The following PASK variants were observed in gnomAD, a reference collection of about 807,000 sequenced individuals.
PASK encodes PAS domain-containing serine/threonine-protein kinase.
Under a neutral mutation model 121.0 loss-of-function variants are expected in PASK, and 110 were observed. The ratio of observed to expected loss-of-function variants is 0.91; its 90% CI spans 0.78 to 1.06. The LOEUF (loss-of-function observed/expected upper bound fraction) is 1.06. PASK is among the 50% of genes least tolerant of loss of function. The pLI is 0.00. For missense variants in PASK, 1,643 were observed against 1,702.3 expected (o/e 0.97, Z 0.61); for synonymous variants, 686 against 717.8 (o/e 0.96, Z 0.71).
At position 241,139,986 on chromosome 2, in the gene PASK, G is replaced by C; in HGVS notation, c.499C>G (p.Leu167Val). ...TCTGACCTCAGAAAGAACTGCGTGA[G>C]CTTCTGGCCAATCAGGTCCTGGCTG... Reference protein sequence around the residue: ...YSSQDLIGQKLTQFFLRSDSD... With the variant: ...YSSQDLIGQKVTQFFLRSDSD... Residue 167 changes from leucine (L) to valine (V), a missense_variant, in exon 4 of 18, where the codon CTC becomes GTC. Coordinates refer to ENST00000234040, the MANE Select transcript of PASK (RefSeq NM_015148.4). 1.2e-6 allele frequency: 2 copies of C among 1,614,040 alleles called. No homozygotes were observed. The highest frequency in any genetic ancestry group is 1.7e-6 in the Non-Finnish European group (2 of 1,179,860).
At position 241,138,027 on chromosome 2, in the gene PASK, C is replaced by A. The variant is rs1424400626; in HGVS notation, c.802G>T (p.Asp268Tyr). Residue 268 changes from aspartate (D) to tyrosine (Y), a missense_variant, in exon 6 of 18, where the codon GAC becomes TAC. Coordinates refer to ENST00000234040, the MANE Select transcript of PASK (RefSeq NM_015148.4). ...TCTGTGATATGCTGCCCAGCCACGT[C>A]CTCCCCAGACACGTACCCGTGAAGA... ...AHLHGYVSGE[D>Y]VAGQHITDLI... 30 of 1,614,064 alleles carry A rather than the reference C, an allele frequency of 1.9e-5. No homozygotes were observed. Among genetic ancestry groups the A allele is most frequent in the Non-Finnish European group, 2.5e-5 (30 of 1,179,992 alleles).
At chr2:241,126,043 G>A (rs1226078884) in intron 10 of PASK, among the ~76,000 whole-genome samples, 153 bp downstream of exon 10, 1 of 152,194 alleles carries the variant, frequency 6.6e-6, no homozygotes, top group Non-Finnish European at 1.5e-5. Context: ...TTTTCTAGGG[G>A]TGGATGATAT....
chr2:241,137,018 C>T lies in PASK; in HGVS notation c.1123G>A (p.Glu375Lys). Residue 375 changes from glutamate to lysine, a missense_variant, in exon 7 of 18, where the codon GAG becomes AAG. By Grantham distance (56) the Glu-to-Lys change is moderately conservative. Around this residue, in one of 3 missense-constraint regions of PASK, gnomAD observed 1,176 missense variants for 1,162.2 expected, o/e 1.01. Transcript: ENST00000234040. ...ALTLFGYGKT[E>K]LLGKNITFLI... ...GGCAGCCCCACCTTGCCCAGGAGCT[C>T]CGTCTTTCCGTAACCAAACAGTGTC... The T allele has an allele frequency of 6.2e-7, 1 of 1,613,252 alleles. No individual in the cohort carries two copies.
chr2:241,137,377 G>A (rs1559393838), intron 6 of PASK, 113 bp from the exon 7 acceptor site: 1 of 835,352 alleles, frequency 1.2e-6, no homozygotes, highest in South Asian at 1.3e-5. Flanking sequence ...AGGTCCCCAG[G>A]ACATCTCACA....
rs563905658 is a variant in PASK, at chr2:241,131,402, C to T, written c.1463+1472G>A. Among the ~76,000 whole-genome samples the T allele has an allele frequency of 3.9e-5, 6 of 152,322 alleles. No individual in the cohort carries two copies. The South Asian group carries it at 1.2e-3, about 32-fold the overall frequency. ...CGACCTCATGATCCACCCACTTCAG[C>T]CTCCCAAAGTGCTGGGATTATAGGC... On this transcript the variant is annotated intron_variant, in intron 9 of 17. Transcript: ENST00000234040.
In PASK at chr2:241,122,901, T is replaced by C. The variant is rs758393740; in HGVS notation, c.2905-2A>G. On this transcript the variant is annotated splice_acceptor_variant, in intron 11 of 17. Transcript: ENST00000234040. LOFTEE classifies it high-confidence loss of function. Reference sequence around the variant, plus strand: ...AAACCAGGGTCTGGCTCTGAGCACCTGCAATGCAGAAGAAGGTCTGTGGGG... The same window carrying C: ...AAACCAGGGTCTGGCTCTGAGCACCCGCAATGCAGAAGAAGGTCTGTGGGG... 4 of 1,613,624 alleles carry C rather than the reference T, an allele frequency of 2.5e-6. No individual in the cohort carries two copies. Among genetic ancestry groups the C allele is most frequent in the Non-Finnish European group, 1.7e-6 (2 of 1,179,670 alleles).
chr2:241,139,755 G>A lies in PASK; in HGVS notation c.600+130C>T, dbSNP rs948014475. 1.0e-5 allele frequency: 9 copies of A among 866,354 alleles called. No homozygotes were observed. The African/African-American group carries it at 1.3e-4, about 13-fold the overall frequency. 53.7% of individuals were successfully genotyped at this position (866,354 alleles called of 1,614,324 possible). A position where few individuals can be genotyped will look rare whatever the true frequency, so the allele number is the denominator to read the frequency against. On this transcript the variant is annotated intron_variant, in intron 4 of 17. Coordinates refer to ENST00000234040, the MANE Select transcript of PASK (RefSeq NM_015148.4). ...AACGGCGCCTGGGATGACATTTTCA[G>A]CTGAAGAAGCTGAGATGTCCTGGTG... is the stretch of plus-strand genomic sequence containing the variant.
intron 15 of PASK, among the ~76,000 whole-genome samples, chr2:241,110,415 CT>C (rs1442885991): frequency 6.6e-6 from 1 of 152,216 alleles, no homozygotes; most frequent in Non-Finnish European, 1.5e-5. Flanking sequence ...CTCAGAAACC[CT>C]TTCATCCAGG....
intron 9 of PASK, among the ~76,000 whole-genome samples, chr2:241,131,640 G>C (rs1217452631): frequency 3.9e-5 from 6 of 152,192 alleles, no homozygotes; most frequent in Non-Finnish European, 7.3e-5. Context: ...CCCTGACCCA[G>C]GGCAGCAGGG....
chr2:241,110,443 G>A (rs2065060626), intron 15 of PASK, among the ~76,000 whole-genome samples: 3 of 152,220 alleles, frequency 2.0e-5, no homozygotes, highest in African/African-American at 4.8e-5. Context: ...GGGAGAGGAC[G>A]CAGGAGGGAG....
intron 9 of PASK, among the ~76,000 whole-genome samples, chr2:241,128,730 G>A (rs899640251): frequency 3.9e-5 from 6 of 152,140 alleles, no homozygotes; most frequent in African/African-American, 1.4e-4. Flanking sequence ...AGCCAGCGTG[G>A]TGACACACAC....
At chr2:241,144,128 G>A (rs527718444) in intron 1 of PASK, among the ~76,000 whole-genome samples, 22 of 151,992 alleles carry the variant, frequency 1.4e-4, no homozygotes, top group South Asian at 4.2e-4. Context: ...GTGTGTGTGC[G>A]TGTGCACATG....
Position 241,115,421 on chromosome 2 carries a change from G to A in PASK, c.3073-8C>T. 4 of 1,613,748 alleles carry A rather than the reference G, an allele frequency of 2.5e-6. No homozygotes were observed. The highest frequency in any genetic ancestry group is 3.4e-6 in the Non-Finnish European group (4 of 1,179,824). On this transcript the variant is annotated splice_polypyrimidine_tract_variant and splice_region_variant and intron_variant, in intron 12 of 17. Transcript: ENST00000234040. The stretch of plus-strand genomic sequence containing the variant: ...AATAAACTTCACCACCACCTGTGAG[G>A]AAGACAGAGCGTAGTGGAAATAGCT...
Position 241,126,511 on chromosome 2 carries a change from C to G in PASK, c.2404G>C (p.Gly802Arg), listed in dbSNP as rs151042801. 2 of 1,614,134 alleles carry G rather than the reference C, an allele frequency of 1.2e-6. No homozygotes were observed. The highest frequency in any genetic ancestry group is 1.3e-5 in the African/African-American group (1 of 74,946). The change falls in exon 10 of 18, where the codon GGC (glycine) becomes CGC (arginine). Residue 802 changes from glycine (G) to arginine (R), a missense_variant. Physicochemically the swap from Gly to Arg is moderately radical, Grantham distance 125. Around this residue, in one of 3 missense-constraint regions of PASK, gnomAD observed 1,176 missense variants for 1,162.2 expected, o/e 1.01. Transcript: ENST00000234040. Reference protein sequence around the residue: ...LDDRELLLLTGTCVDLGQGRR... With the variant: ...LDDRELLLLTRTCVDLGQGRR... Reference sequence around the variant, plus strand: ...CCTTGGCCAAGGTCAACACAGGTGCCGGTCAGTAGTAACAGCTCCCTGTCA... The same window carrying G: ...CCTTGGCCAAGGTCAACACAGGTGCGGGTCAGTAGTAACAGCTCCCTGTCA...
Position 241,122,773 on chromosome 2 carries a change from C to A in PASK, c.3031G>T (p.Gly1011Cys). Residue 1011 changes from glycine (G) to cysteine (C), a missense_variant, in exon 12 of 18, where the codon GGC (glycine) becomes TGC (cysteine). Around this residue, in one of 3 missense-constraint regions of PASK, gnomAD observed 453 missense variants for 511.2 expected, o/e 0.89. Coordinates refer to ENST00000234040, the MANE Select transcript of PASK (RefSeq NM_015148.4). ...TTGTCCACAGCAGTCCACACGAAGC[C>A]GAAGGCCCCACTGCCCAGCGGGCTC... ...TMSPLGSGAFGFVWTAVDKEK... is the reference protein window; with the variant it reads ...TMSPLGSGAFCFVWTAVDKEK... The A allele has an allele frequency of 1.2e-6, 2 of 1,614,184 alleles. No homozygotes were observed. The highest frequency in any genetic ancestry group is 1.7e-6 in the Non-Finnish European group (2 of 1,180,024).
intron 1 of PASK, among the ~76,000 whole-genome samples, chr2:241,143,443 C>T (rs1451353753): frequency 4.0e-5 from 6 of 151,580 alleles, no homozygotes; most frequent in South Asian, 2.1e-4. Flanking sequence ...CCCAGCTACT[C>T]GGGAGGCTGA....
At chr2:241,138,574 ACAGGGAC>A in intron 5 of PASK, 73 bp downstream of exon 5, 1 of 1,502,330 alleles carries the variant, frequency 6.7e-7, no homozygotes, top group Non-Finnish European at 9.2e-7. Context: ...AAGGAATGAG[ACAGGGAC>A]CAGCACTTGC....
chr2:241,136,987 GC>G lies in PASK; in HGVS notation c.1137+16del, dbSNP rs1267345071. The G allele has an allele frequency of 2.5e-6, 4 of 1,609,848 alleles. No individual in the cohort carries two copies. In the East Asian group the frequency reaches 6.7e-5, roughly 27 times the overall value. On this transcript the variant is annotated intron_variant, in intron 7 of 17. Transcript: ENST00000234040. ...TCCTCCCAGGGAACGGGAGCCAGGC[GC>G]CCAGGGCAGCCCCACCTTGCCCAGG...
intron 9 of PASK, among the ~76,000 whole-genome samples, chr2:241,131,975 A>G (rs2066157633): frequency 6.7e-6 from 1 of 149,874 alleles, no homozygotes. Flanking sequence ...AATCACTTGA[A>G]CCAGGGGGCA....
Sources: gnomAD v4.1 joint callset for allele counts (sites outside exome capture counted in the v4.1 genomes callset) on GRCh38, gnomAD v4.1.1 for gene constraint, gnomAD v4.1.1 regional missense constraint, MANE v1.5 for transcripts, NCBI Gene and HGNC (gene_info 2026-07-23, HGNC 2026-07-21) for gene names.